The following SLC28A1 variants were observed in gnomAD, a reference collection of about 807,000 sequenced individuals.
SLC28A1 encodes sodium/nucleoside cotransporter 1.
SLC28A1 carries 64 observed loss-of-function variants against 74.8 expected under a neutral mutation model. The ratio of observed to expected loss-of-function variants is 0.86; its 90% CI spans 0.70 to 1.05. The LOEUF (loss-of-function observed/expected upper bound fraction) is 1.05. Among genes scored for constraint, SLC28A1 ranks in the 50% least tolerant of loss-of-function variants. The pLI, the probability that SLC28A1 is intolerant of heterozygous loss-of-function variation, is 0.00. For synonymous variants in SLC28A1, 359 were observed against 335.0 expected (o/e 1.07, Z -0.78); for missense variants, 828 against 822.8 (o/e 1.01, Z -0.08).
At chr15:84,901,096 CCT>C (rs1423325492) in intron 6 of SLC28A1, among the ~76,000 whole-genome samples, 1 of 152,170 alleles carries the variant, frequency 6.6e-6, no homozygotes, top group Non-Finnish European at 1.5e-5. Flanking sequence ...GTGGCGCACA[CCT>C]GTAGTCCCAG....
the SLC28A1 span, chr15:84,975,572 C>G: frequency 2.2e-6 from 1 of 455,930 alleles, no homozygotes; most frequent in Non-Finnish European, 4.4e-6. Flanking sequence ...TGTTAAGTAT[C>G]TTGGAGGCTC....
intron 9 of SLC28A1, among the ~76,000 whole-genome samples, chr15:84,917,255 A>G (rs1969245400): frequency 6.6e-6 from 1 of 152,162 alleles, no homozygotes; most frequent in South Asian, 2.1e-4. Flanking sequence ...ACTGTTGGGA[A>G]CACAGGACAC....
intron 3 of SLC28A1, 47 bp from the exon 4 acceptor site, chr15:84,888,725 G>A (rs572528168): frequency 1.4e-6 from 2 of 1,384,560 alleles, no homozygotes; most frequent in South Asian, 1.2e-5. Flanking sequence ...AAGTTCCTGG[G>A]GGTGGGTAAG....
chr15:84,939,892 A>G (rs1271396769), intron 15 of SLC28A1, among the ~76,000 whole-genome samples: 5 of 152,118 alleles, frequency 3.3e-5, no homozygotes, highest in Non-Finnish European at 7.4e-5. Context: ...TGGTGCAATC[A>G]CAGCTCACTG....
the SLC28A1 span, among the ~76,000 whole-genome samples, chr15:84,970,529 C>T: frequency 3.9e-5 from 6 of 152,164 alleles, no homozygotes; most frequent in Non-Finnish European, 4.4e-5. Flanking sequence ...TTTTACGGCT[C>T]AGCTCCTCCC....
chr15:84,888,427 G>A (rs115065353), intron 3 of SLC28A1, among the ~76,000 whole-genome samples: 39 of 149,612 alleles, frequency 2.6e-4, no homozygotes, highest in Middle Eastern at 3.5e-3. Context: ...CTCCACAGAC[G>A]GTGGGTGCAT....
At position 84,904,235 on chromosome 15, in the gene SLC28A1, C is replaced by T. The variant is rs771748099; in HGVS notation, c.600C>T (p.Cys200=). The stretch of plus-strand genomic sequence containing the variant: ...TCTTTGCCTGCTCAAAGCATCATTG[C>T]GCAGTGAGTGCTAGTTGTGGGGCCC... ...ALLFACSKHH[C]AVSWRAVSWG... Residue 200 remains cysteine (C), a synonymous_variant, in exon 7 of 19, where the codon TGC becomes TGT. Coordinates refer to ENST00000394573, the MANE Select transcript of SLC28A1 (RefSeq NM_004213.5). The T allele has an allele frequency of 1.9e-5, 31 of 1,613,740 alleles. No individual in the cohort carries two copies. The highest frequency in any genetic ancestry group is 2.7e-5 in the African/African-American group (2 of 74,924).
In SLC28A1 at chr15:84,920,979, T is replaced by C. The variant is rs1357184106; in HGVS notation, c.877-10T>C. The C allele has an allele frequency of 6.2e-7, 1 of 1,611,602 alleles. No individual in the cohort carries two copies. Among genetic ancestry groups the C allele is most frequent in the African/African-American group, 1.3e-5 (1 of 74,862 alleles). ...TGTCAGCCCACAAAGAACATTCTGCTTCCTTCTAGATTGCCTGGCTGATGC... is the reference window on the plus strand; with the variant it reads ...TGTCAGCCCACAAAGAACATTCTGCCTCCTTCTAGATTGCCTGGCTGATGC... On this transcript the variant is annotated splice_polypyrimidine_tract_variant and intron_variant, in intron 10 of 18. Coordinates refer to ENST00000394573, the MANE Select transcript of SLC28A1 (RefSeq NM_004213.5).
the SLC28A1 span, among the ~76,000 whole-genome samples, chr15:84,967,848 T>C: frequency 2.0e-5 from 3 of 152,076 alleles, no homozygotes; most frequent in Middle Eastern, 0.01. Flanking sequence ...TGTGGGTGAG[T>C]CTGAGGGTAG....
chr15:84,952,602 G>C, the SLC28A1 span, among the ~76,000 whole-genome samples: 2 of 152,214 alleles, frequency 1.3e-5, no homozygotes, highest in Admixed American at 6.5e-5. Context: ...AAACAGAAAA[G>C]TCGCCGGGCA....
intron 12 of SLC28A1, among the ~76,000 whole-genome samples, chr15:84,925,018 A>G (rs1321976128): frequency 6.7e-6 from 1 of 148,936 alleles, no homozygotes; most frequent in Non-Finnish European, 1.5e-5. Flanking sequence ...CTCCTGCCTC[A>G]GCGTCCTGAG....
Position 84,905,660 on chromosome 15 carries a change from T to C in SLC28A1, c.717+8T>C. 1 of 1,593,822 alleles carries C rather than the reference T, an allele frequency of 6.3e-7. No individual in the cohort carries two copies. The highest frequency in any genetic ancestry group is 1.7e-5 in the Admixed American group (1 of 59,948). On this transcript the variant is annotated splice_region_variant and intron_variant, in intron 8 of 18. Coordinates refer to ENST00000394573, the MANE Select transcript of SLC28A1 (RefSeq NM_004213.5). ...CTGGGCGAGCAGATCCGGGTAGGTA[T>C]GTGGGGTCTGGCTGCCCAGAGCATC...
intron 12 of SLC28A1, among the ~76,000 whole-genome samples, chr15:84,931,821 G>A (rs1033730101): frequency 3.3e-5 from 5 of 151,660 alleles, no homozygotes; most frequent in African/African-American, 7.3e-5. Context: ...GGCCAACACG[G>A]TGAAACGCCA....
At chr15:84,973,808 C>A in the SLC28A1 span, among the ~76,000 whole-genome samples, 1 of 152,172 alleles carries the variant, frequency 6.6e-6, no homozygotes, top group Non-Finnish European at 1.5e-5. Context: ...AAAAGGCATT[C>A]AATAAAGAGT....
chr15:84,921,464 G>T (rs1416007415), intron 11 of SLC28A1, among the ~76,000 whole-genome samples: 1 of 150,522 alleles, frequency 6.6e-6, no homozygotes, highest in Non-Finnish European at 1.5e-5. Context: ...TTTTTCCACT[G>T]CATCATTTTG....
intron 9 of SLC28A1, among the ~76,000 whole-genome samples, chr15:84,909,412 A>G (rs1189691688): frequency 1.3e-5 from 2 of 152,200 alleles, no homozygotes; most frequent in Non-Finnish European, 1.5e-5. Flanking sequence ...GCAAAATATT[A>G]TAGGGGAAAT....
chr15:84,944,843 A>C lies in SLC28A1; in HGVS notation c.1850A>C (p.Gln617Pro), dbSNP rs773961612. 3 of 1,613,518 alleles carry C rather than the reference A, an allele frequency of 1.9e-6. No individual in the cohort carries two copies. The highest frequency in any genetic ancestry group is 2.5e-6 in the Non-Finnish European group (3 of 1,179,620). Residue 617 changes from glutamine (Q) to proline (P), a missense_variant, in exon 18 of 19, where the codon CAG (glutamine) becomes CCG (proline). Around this residue, in one of 3 missense-constraint regions of SLC28A1, gnomAD observed 53 missense variants for 44.5 expected, o/e 1.19. Coordinates refer to ENST00000394573, the MANE Select transcript of SLC28A1 (RefSeq NM_004213.5). The stretch of plus-strand genomic sequence containing the variant: ...AGCAGCAGTAGCTTTGAGATTTACC[A>C]GTGCTGCCGTGAGGCCTTCCAGAGG... ...TLSSSSFEIY[Q>P]CCREAFQSVN...
At chr15:84,898,439 C>T (rs753439733) in intron 6 of SLC28A1, among the ~76,000 whole-genome samples, 22 of 152,018 alleles carry the variant, frequency 1.4e-4, no homozygotes, top group Non-Finnish European at 2.4e-4. Flanking sequence ...ATTAGCCAGG[C>T]GTGGTGGCGG....
At chr15:84,958,208 A>G in the SLC28A1 span, among the ~76,000 whole-genome samples, 2 of 152,150 alleles carry the variant, frequency 1.3e-5, no homozygotes, top group African/African-American at 2.4e-5. Context: ...GCTATTTTCT[A>G]TAAGGTCCTA....
Sources: gnomAD v4.1 joint callset for allele counts (sites outside exome capture counted in the v4.1 genomes callset) on GRCh38, gnomAD v4.1.1 for gene constraint, gnomAD v4.1.1 regional missense constraint, MANE v1.5 for transcripts, NCBI Gene and HGNC (gene_info 2026-07-23, HGNC 2026-07-21) for gene names.